Variants in ERICH1 observed in about 807,000 individuals in gnomAD.
The protein encoded by ERICH1 is glutamate rich 1.
A neutral mutation model predicts 39.6 loss-of-function variants in ERICH1; 56 were observed. That is an observed-to-expected ratio of 1.41 (90% CI 1.14 to 1.77). ERICH1 has a LOEUF of 1.77. Among genes scored for constraint, ERICH1 ranks in the 40% most tolerant of loss-of-function variants. The pLI is 0.00. For synonymous variants in ERICH1, 313 were observed against 223.6 expected (o/e 1.40, Z -3.57); for missense variants, 826 against 575.4 (o/e 1.44, Z -4.45).
intron 3 of ERICH1, among the ~76,000 whole-genome samples, chr8:688,062 G>C (rs964932351): frequency 1.3e-4 from 20 of 152,254 alleles, no homozygotes; most frequent in Non-Finnish European, 2.8e-4. Flanking sequence ...GCGGCGCGCG[G>C]TCAAATTCCT....
chr8:693,537 C>T (rs995913034), intron 2 of ERICH1, among the ~76,000 whole-genome samples: 1 of 152,210 alleles, frequency 6.6e-6, no homozygotes, highest in East Asian at 1.9e-4. Context: ...CTGTATGCTC[C>T]TCTACCAGAG....
chr8:724,717 G>A (rs1818173638), intron 1 of ERICH1, among the ~76,000 whole-genome samples: 1 of 152,176 alleles, frequency 6.6e-6, no homozygotes, highest in Non-Finnish European at 1.5e-5. Context: ...ATTAAACATT[G>A]GCTTTTTCCT....
At position 700,136 on chromosome 8, in the gene ERICH1, C is replaced by A. The variant is rs1305149427; in HGVS notation, c.170-7524G>T. 8.6e-5 allele frequency among the ~76,000 whole-genome samples: 12 copies of A among 139,278 alleles called. No homozygotes were observed. The East Asian group carries it at 1.4e-3, about 16-fold the overall frequency. The allele number at this position is 139,278 out of a possible 152,430, so 91.4% of individuals were successfully genotyped here. A position where few individuals can be genotyped will look rare whatever the true frequency, so the allele number is the denominator to read the frequency against. Reference sequence around the variant, plus strand: ...GCACACACCCTCACAGGCGCACAGACCCGCACAGGCGCACAGACCCGCACA... The same window carrying A: ...GCACACACCCTCACAGGCGCACAGAACCGCACAGGCGCACAGACCCGCACA... On this transcript the variant is annotated intron_variant, in intron 2 of 5. Transcript: ENST00000262109.
At chr8:698,760 G>A (rs1363651607) in intron 2 of ERICH1, among the ~76,000 whole-genome samples, 1 of 152,150 alleles carries the variant, frequency 6.6e-6, no homozygotes, top group Non-Finnish European at 1.5e-5. Context: ...TTACAGGCGT[G>A]AGTCACTGTG....
intron 3 of ERICH1, among the ~76,000 whole-genome samples, chr8:639,963 CAAA>C (rs1173087138): frequency 1.3e-5 from 2 of 152,184 alleles, no homozygotes; most frequent in African/African-American, 4.8e-5. Context: ...TCTCAAGAGA[CAAA>C]GAAGAATAAT....
chr8:703,350 AT>A (rs1219044881), intron 2 of ERICH1, among the ~76,000 whole-genome samples: 1 of 148,210 alleles, frequency 6.7e-6, no homozygotes, highest in Non-Finnish European at 1.5e-5. Context: ...GATGAAAAAA[AT>A]ACAGTGTTGG....
chr8:680,990 G>A (rs1386583943), intron 3 of ERICH1, among the ~76,000 whole-genome samples: 2 of 152,204 alleles, frequency 1.3e-5, no homozygotes, highest in Non-Finnish European at 1.5e-5. Flanking sequence ...TGTGATAGTG[G>A]TCTCAGGGTC....
intron 3 of ERICH1, among the ~76,000 whole-genome samples, chr8:655,327 A>G (rs1800493509): frequency 6.6e-6 from 1 of 152,212 alleles, no homozygotes; most frequent in Non-Finnish European, 1.5e-5. Flanking sequence ...AGCAAATCCA[A>G]CACGGCAGAT....
chr8:679,131 C>T (rs1334958179), intron 3 of ERICH1, among the ~76,000 whole-genome samples: 2 of 149,736 alleles, frequency 1.3e-5, no homozygotes, highest in African/African-American at 2.5e-5. Context: ...TCTCACAGCT[C>T]TCACCCGTCA....
chr8:641,857 C>T (rs1799025677), intron 3 of ERICH1, among the ~76,000 whole-genome samples: 1 of 152,258 alleles, frequency 6.6e-6, no homozygotes, highest in Non-Finnish European at 1.5e-5. Flanking sequence ...GCCAAAACCC[C>T]ACGGTGCCTC....
chr8:718,350 C>T (rs942642421), intron 1 of ERICH1, among the ~76,000 whole-genome samples: 6 of 152,042 alleles, frequency 3.9e-5, no homozygotes, highest in Middle Eastern at 3.4e-3. Flanking sequence ...GAGCTAAAAG[C>T]GACATAATAA....
At chr8:719,478 G>A (rs908326478) in intron 1 of ERICH1, among the ~76,000 whole-genome samples, 6 of 152,234 alleles carry the variant, frequency 3.9e-5, no homozygotes, top group African/African-American at 1.2e-4. Flanking sequence ...CTCAGCTGAC[G>A]CCCGCGGTCG....
intron 2 of ERICH1, among the ~76,000 whole-genome samples, chr8:700,027 ACCCTCACAGGCGCACAGG>A (rs1811518806): frequency 2.6e-5 from 3 of 115,718 alleles, no homozygotes; most frequent in African/African-American, 3.6e-5. Context: ...ACGCGCACAG[ACCCTCACAGGCGCACAGG>A]CCCGCACACG....
At chr8:692,430 G>C (rs528550637) in intron 3 of ERICH1, 48 bp downstream of exon 3, 13 of 1,611,348 alleles carry the variant, frequency 8.1e-6, no homozygotes, top group Non-Finnish European at 9.3e-6. Context: ...TGGGAAATAC[G>C]AGCTTATCTG....
At chr8:682,559 C>A (rs1428737823) in intron 3 of ERICH1, among the ~76,000 whole-genome samples, 4 of 152,324 alleles carry the variant, frequency 2.6e-5, no homozygotes, top group South Asian at 2.1e-4. Context: ...GCCCTTCACA[C>A]CCAGCAGCTG....
chr8:701,293 C>T (rs939916781), intron 2 of ERICH1, among the ~76,000 whole-genome samples: 10 of 151,074 alleles, frequency 6.6e-5, no homozygotes, highest in Admixed American at 2.0e-4. Context: ...CCCCGCCGGA[C>T]GGGAGCACGC....
chr8:653,101 G>A (rs1250667742), intron 3 of ERICH1, among the ~76,000 whole-genome samples: 2 of 152,132 alleles, frequency 1.3e-5, no homozygotes, highest in African/African-American at 2.4e-5. Context: ...TCCACTTCTG[G>A]GCATAAACCC....
chr8:663,950 G>A (rs1439143132), downstream of ERICH1, among the ~76,000 whole-genome samples: 3 of 152,088 alleles, frequency 2.0e-5, no homozygotes, highest in Admixed American at 1.3e-4. Flanking sequence ...TAATAGAGAT[G>A]GGGTTTCACC....
chr8:711,811 G>C (rs562766467), intron 2 of ERICH1, among the ~76,000 whole-genome samples: 1 of 152,126 alleles, frequency 6.6e-6, no homozygotes, highest in Non-Finnish European at 1.5e-5. Context: ...TCCATTTTTA[G>C]TAAGATTTTT....
Sources: gnomAD v4.1 joint callset for allele counts (sites outside exome capture counted in the v4.1 genomes callset) on GRCh38, gnomAD v4.1.1 for gene constraint, MANE v1.5 for transcripts, NCBI Gene and HGNC (gene_info 2026-07-23, HGNC 2026-07-21) for gene names.